AGBL4: variants seen among roughly 807,000 people sequenced by gnomAD.
The protein encoded by AGBL4 is AGBL carboxypeptidase 4, also known as cytosolic carboxypeptidase 6.
Under a neutral mutation model 66.4 loss-of-function variants are expected in AGBL4, and 58 were observed. The observed-to-expected ratio is 0.87, with a 90% CI of 0.71 to 1.09. The LOEUF is 1.09. AGBL4 is among the 50% of genes least tolerant of loss of function. The pLI, the probability that AGBL4 is intolerant of heterozygous loss-of-function variation, is 0.00. For missense variants in AGBL4, 579 were observed against 631.0 expected, an observed-to-expected ratio of 0.92 and a Z score of 0.88; for synonymous variants, 234 against 222.9, an observed-to-expected ratio of 1.05 and a Z score of -0.44.
At chr1:49,565,034 T>C (rs1644157811) in intron 3 of AGBL4, among the ~76,000 whole-genome samples, 1 of 152,250 alleles carries the variant, frequency 6.6e-6, no homozygotes, top group Admixed American at 6.5e-5. Flanking sequence ...GTTCTTCTTG[T>C]TGAATTGATC....
intron 3 of AGBL4, among the ~76,000 whole-genome samples, chr1:49,320,806 G>C (rs1457086842): frequency 4.6e-5 from 7 of 152,104 alleles, no homozygotes; most frequent in Non-Finnish European, 7.3e-5. Flanking sequence ...AAAGAAAGAG[G>C]TTTAATTGAC....
At chr1:49,730,612 A>G (rs1424850066) in intron 2 of AGBL4, among the ~76,000 whole-genome samples, 2 of 152,182 alleles carry the variant, frequency 1.3e-5, no homozygotes, top group Admixed American at 6.5e-5. Flanking sequence ...AGGTGCTGCC[A>G]TGTCCACCTC....
chr1:49,192,453 C>G (rs1360384027), intron 4 of AGBL4, among the ~76,000 whole-genome samples: 2 of 152,126 alleles, frequency 1.3e-5, no homozygotes, highest in African/African-American at 4.8e-5. Context: ...CACACGCCAC[C>G]ACACCCAGCT....
chr1:48,666,303 T>G (rs1268087180), intron 6 of AGBL4, among the ~76,000 whole-genome samples: 2 of 151,942 alleles, frequency 1.3e-5, no homozygotes, highest in Non-Finnish European at 2.9e-5. Flanking sequence ...GCAGGACAGA[T>G]GAAGAAGAAA....
intron 5 of AGBL4, among the ~76,000 whole-genome samples, chr1:48,892,687 G>A (rs1651088374): frequency 1.3e-5 from 2 of 152,162 alleles, no homozygotes; most frequent in South Asian, 4.1e-4. Context: ...CAGGCAATTA[G>A]ATACACATTT....
At chr1:49,340,560 G>C (rs1346747215) in intron 3 of AGBL4, among the ~76,000 whole-genome samples, 1 of 152,134 alleles carries the variant, frequency 6.6e-6, no homozygotes, top group African/African-American at 2.4e-5. Flanking sequence ...CCAAGAATCA[G>C]AGCATGAAAC....
In AGBL4 at chr1:49,462,322, A is replaced by G. The variant is rs540244132; in HGVS notation, c.283-216458T>C. Among the ~76,000 whole-genome samples the G allele has an allele frequency of 1.3e-4, 19 of 151,882 alleles. 1 individual carries two copies. In the South Asian group the frequency reaches 3.9e-3, roughly 31 times the overall value. On this transcript the variant is annotated intron_variant, in intron 3 of 13. Coordinates refer to ENST00000371839, the MANE Select transcript of AGBL4 (RefSeq NM_032785.4). ...GAACTGTAGAGCAGAAAGAATAGAA[A>G]AGAAGCACCATCTTAATATAACTTA...
At chr1:49,609,320 G>A (rs777199197) in intron 3 of AGBL4, among the ~76,000 whole-genome samples, 7 of 151,588 alleles carry the variant, frequency 4.6e-5, no homozygotes, top group Non-Finnish European at 8.8e-5. Context: ...TGATGAGAAG[G>A]AATAAAAATC....
At chr1:48,984,573 A>G (rs1250179302) in intron 5 of AGBL4, among the ~76,000 whole-genome samples, 1 of 149,530 alleles carries the variant, frequency 6.7e-6, no homozygotes, top group African/African-American at 2.4e-5. Flanking sequence ...GAAGGGATAT[A>G]ATAGGCAGTT....
intron 11 of AGBL4, among the ~76,000 whole-genome samples, chr1:48,555,886 C>A (rs1644314532): frequency 6.6e-6 from 1 of 152,146 alleles, no homozygotes; most frequent in African/African-American, 2.4e-5. Flanking sequence ...GGAAAAGCAT[C>A]AAGAATAGCA....
At chr1:49,675,445 C>T (rs1409802155) in intron 3 of AGBL4, among the ~76,000 whole-genome samples, 2 of 151,762 alleles carry the variant, frequency 1.3e-5, no homozygotes, top group Non-Finnish European at 2.9e-5. Context: ...GGGAGGTAAG[C>T]CGGGAAAAAT....
At chr1:49,248,609 C>T (rs1651818746) in intron 3 of AGBL4, among the ~76,000 whole-genome samples, 5 of 151,936 alleles carry the variant, frequency 3.3e-5, no homozygotes, top group Admixed American at 6.6e-5. Context: ...ACACGTTCTG[C>T]GAGTTTAGGA....
chr1:48,738,253 GT>G (rs1233122037), intron 6 of AGBL4, among the ~76,000 whole-genome samples: 1 of 152,138 alleles, frequency 6.6e-6, no homozygotes, highest in Non-Finnish European at 1.5e-5. Flanking sequence ...CTACCTGCAC[GT>G]CTGACTTCAC....
chr1:49,144,675 C>T (rs1394495084), intron 4 of AGBL4, among the ~76,000 whole-genome samples: 1 of 152,030 alleles, frequency 6.6e-6, no homozygotes, highest in Middle Eastern at 3.2e-3. Flanking sequence ...CAGAAATAGA[C>T]AATGATAATT....
chr1:49,279,551 A>G (rs1644235588), intron 3 of AGBL4, among the ~76,000 whole-genome samples: 1 of 152,068 alleles, frequency 6.6e-6, no homozygotes, highest in South Asian at 2.1e-4. Flanking sequence ...TTGGGCTGGG[A>G]AAAAGAAGAC....
intron 3 of AGBL4, among the ~76,000 whole-genome samples, chr1:49,293,507 C>G (rs1479369743): frequency 6.6e-6 from 1 of 152,104 alleles, no homozygotes; most frequent in Admixed American, 6.6e-5. Flanking sequence ...AAAATTTGAG[C>G]ATTTTACTGT....
At chr1:48,610,291 A>G (rs1411062387) in intron 9 of AGBL4, among the ~76,000 whole-genome samples, 1 of 152,160 alleles carries the variant, frequency 6.6e-6, no homozygotes, top group East Asian at 1.9e-4. Flanking sequence ...CTCAGTGCCT[A>G]ACACATGACC....
intron 8 of AGBL4, among the ~76,000 whole-genome samples, chr1:48,648,671 C>A (rs1339617926): frequency 6.6e-6 from 1 of 152,190 alleles, no homozygotes; most frequent in Non-Finnish European, 1.5e-5. Context: ...TCAGTTTCCC[C>A]ATGGCTGAAA....
intron 1 of AGBL4, among the ~76,000 whole-genome samples, chr1:49,881,442 G>A (rs1351726296): frequency 2.0e-5 from 3 of 151,726 alleles, no homozygotes; most frequent in Admixed American, 6.6e-5. Context: ...TCTAGTTCTC[G>A]ATCCCTGAGG....
Sources: gnomAD v4.1 joint callset for allele counts (sites outside exome capture counted in the v4.1 genomes callset) on GRCh38, gnomAD v4.1.1 for gene constraint, MANE v1.5 for transcripts, NCBI Gene and HGNC (gene_info 2026-07-23, HGNC 2026-07-21) for gene names.